Variants in ADGRL2 observed in about 807,000 individuals in gnomAD.
The protein encoded by ADGRL2 is calcium-independent alpha-latrotoxin receptor 2.
A neutral mutation model predicts 157.4 loss-of-function variants in ADGRL2; 44 were observed. The observed-to-expected ratio is 0.28, with a 90% CI of 0.22 to 0.36. The LOEUF is 0.36. Ranked by LOEUF, ADGRL2 falls within the 10% of genes least tolerant of loss-of-function variation. The probability of loss-of-function intolerance (pLI) is 1.00; values close to 1 mark genes in which losing one functional copy is unlikely to be tolerated. For synonymous variants in ADGRL2, 585 were observed against 624.7 expected (o/e 0.94, Z 0.95); for missense variants, 1,510 against 1,768.9 (o/e 0.85, Z 2.63).
intron 2 of ADGRL2, among the ~76,000 whole-genome samples, chr1:81,508,714 A>T (rs2079023620): frequency 6.6e-6 from 1 of 152,232 alleles, no homozygotes; most frequent in Non-Finnish European, 1.5e-5. Context: ...ATCTTTTTAC[A>T]GAATACATAA....
chr1:81,345,426 G>C (rs57230979), intron 1 of ADGRL2, among the ~76,000 whole-genome samples: 2,405 of 152,220 alleles, frequency 0.016, 69 homozygotes, highest in African/African-American at 0.056. Flanking sequence ...AATAACTTTT[G>C]ATAGCCATGC....
chr1:81,657,605 AACAGAGTCAATT>A (rs1322878162), intron 3 of ADGRL2, among the ~76,000 whole-genome samples: 1 of 152,152 alleles, frequency 6.6e-6, no homozygotes, highest in East Asian at 1.9e-4. Flanking sequence ...TGCCAGGAGA[AACAGAGTCAATT>A]ACAAGAGGGG....
chr1:81,735,004 A>C (rs2084850428), intron 1 of ADGRL2: 1 of 145,640 alleles, frequency 6.9e-6, no homozygotes, highest in East Asian at 2.0e-4. Flanking sequence ...ATTGCACTCC[A>C]GCCTGGGCAA....
intron 3 of ADGRL2, among the ~76,000 whole-genome samples, chr1:81,600,465 A>C (rs2148629421): frequency 6.6e-6 from 1 of 152,352 alleles, no homozygotes; most frequent in South Asian, 2.1e-4. Flanking sequence ...CTTAGACCTA[A>C]CTTAGGGCAA....
At chr1:81,851,977 TA>T (rs1459342300) in intron 2 of ADGRL2, among the ~76,000 whole-genome samples, 1 of 151,970 alleles carries the variant, frequency 6.6e-6, no homozygotes, top group African/African-American at 2.4e-5. Context: ...AATGGCGAAT[TA>T]AAAAATTATT....
intron 3 of ADGRL2, among the ~76,000 whole-genome samples, chr1:81,591,372 C>T (rs2148589575): frequency 6.6e-6 from 1 of 152,240 alleles, no homozygotes; most frequent in Non-Finnish European, 1.5e-5. Context: ...AATTTAGCCT[C>T]CTTTAAAGTT....
chr1:81,526,085 T>C (rs1045074223), intron 2 of ADGRL2, among the ~76,000 whole-genome samples: 1 of 134,144 alleles, frequency 7.5e-6, no homozygotes, highest in Non-Finnish European at 1.6e-5. Context: ...AAGAATTTTC[T>C]CTGTTTCCTT....
At chr1:81,875,681 C>T (rs2093820926) in intron 2 of ADGRL2, among the ~76,000 whole-genome samples, 2 of 152,020 alleles carry the variant, frequency 1.3e-5, no homozygotes, top group South Asian at 2.1e-4. Context: ...AAACACTTGC[C>T]TTTTATTTGT....
intron 3 of ADGRL2, among the ~76,000 whole-genome samples, chr1:81,604,222 C>T (rs529164086): frequency 6.6e-6 from 1 of 152,266 alleles, no homozygotes; most frequent in South Asian, 2.1e-4. Context: ...ACTTTGGCCT[C>T]CCAAAGTGCT....
At chr1:81,730,748 C>T (rs951483343) in intron 1 of ADGRL2, among the ~76,000 whole-genome samples, 4 of 151,954 alleles carry the variant, frequency 2.6e-5, no homozygotes, top group African/African-American at 9.7e-5. Flanking sequence ...AAATAGTCCT[C>T]AGTGCTTCAA....
chr1:81,599,765 C>T (rs1260748739), intron 3 of ADGRL2, among the ~76,000 whole-genome samples: 2 of 152,148 alleles, frequency 1.3e-5, no homozygotes, highest in Non-Finnish European at 2.9e-5. Context: ...AAAACCGAGG[C>T]TCATTAAGCT....
At chr1:81,753,727 G>A (rs555899431) in intron 1 of ADGRL2, among the ~76,000 whole-genome samples, 1 of 152,218 alleles carries the variant, frequency 6.6e-6, no homozygotes, top group South Asian at 2.1e-4. Context: ...TCATGAAGTG[G>A]AATAAACAAA....
At chr1:81,930,924 G>C (rs2095216743) in intron 3 of ADGRL2, among the ~76,000 whole-genome samples, 1 of 152,112 alleles carries the variant, frequency 6.6e-6, no homozygotes, top group African/African-American at 2.4e-5. Context: ...CTGAGGTCAG[G>C]AGTTTGAAAC....
chr1:81,471,559 A>C lies in ADGRL2; in HGVS notation c.-248+26470A>C, dbSNP rs1391829971. Among the ~76,000 whole-genome samples, 3 of 152,188 alleles carry C rather than the reference A, an allele frequency of 2.0e-5. No homozygotes were observed. The East Asian group carries it at 5.8e-4, about 29-fold the overall frequency. On this transcript the variant is annotated intron_variant, in intron 2 of 24. Transcript: ENST00000370721. ...TTTTAATATTGAAGGGTTTCTGAGA[A>C]TTTTATGATAATATTTATGGAATTT...
intron 2 of ADGRL2, among the ~76,000 whole-genome samples, chr1:81,518,398 T>C (rs2079232405): frequency 6.6e-6 from 1 of 152,218 alleles, no homozygotes. Context: ...CCTGATATTC[T>C]GTTAAACCTC....
At position 81,861,737 on chromosome 1, in the gene ADGRL2, A is replaced by G. The variant is rs567906924; in HGVS notation, c.73+24680A>G. ...AACCCTGTTTTTACTAAAAATACAA[A>G]AACTAGCCAGTTGTGGTGGCGCTTG... On this transcript the variant is annotated intron_variant, in intron 2 of 23. Transcript: ENST00000686636. 2.6e-5 allele frequency among the ~76,000 whole-genome samples: 4 copies of G among 152,212 alleles called. No individual in the cohort carries two copies. In the South Asian group the frequency reaches 8.3e-4, roughly 32 times the overall value.
intron 1 of ADGRL2, among the ~76,000 whole-genome samples, chr1:81,358,853 A>C (rs892718909): frequency 2.0e-5 from 3 of 152,076 alleles, no homozygotes; most frequent in Non-Finnish European, 2.9e-5. Context: ...AGTTCTATAC[A>C]GAAGAATTAC....
At chr1:81,630,463 A>G (rs1296040897) in intron 3 of ADGRL2, among the ~76,000 whole-genome samples, 1 of 152,248 alleles carries the variant, frequency 6.6e-6, no homozygotes, top group Non-Finnish European at 1.5e-5. Context: ...AGTTTACTAG[A>G]TCAAAGTCCA....
intron 1 of ADGRL2, among the ~76,000 whole-genome samples, chr1:81,394,936 T>G (rs2101168761): frequency 6.6e-6 from 1 of 152,014 alleles, no homozygotes; most frequent in East Asian, 1.9e-4. Flanking sequence ...TCTTGCTCTG[T>G]CACCCTGGCC....
Sources: allele counts gnomAD v4.1 joint callset (sites outside exome capture counted in the v4.1 genomes callset), GRCh38; gene constraint gnomAD v4.1.1; transcripts MANE v1.5; gene names NCBI Gene and HGNC (gene_info 2026-07-23, HGNC 2026-07-21).